The following SUCLG2 variants were observed in gnomAD, a reference collection of about 807,000 sequenced individuals.
SUCLG2 encodes the protein succinate-CoA ligase GDP-forming subunit beta.
In SUCLG2, 42 loss-of-function variants were observed where a neutral mutation model predicts 47.9. The observed-to-expected ratio is 0.88, with a 90% CI of 0.69 to 1.14. SUCLG2 has a LOEUF of 1.14. Among genes scored for constraint, SUCLG2 ranks in the 50% most tolerant of loss-of-function variants. SUCLG2 has a pLI of 0.00. For synonymous variants in SUCLG2, 195 were observed against 197.3 expected, an observed-to-expected ratio of 0.99 and a Z score of 0.10; for missense variants, 571 against 525.9, an observed-to-expected ratio of 1.09 and a Z score of -0.84.
At chr3:67,642,619 T>C (rs1217890314) in intron 1 of SUCLG2, among the ~76,000 whole-genome samples, 1 of 152,020 alleles carries the variant, frequency 6.6e-6, no homozygotes, top group Non-Finnish European at 1.5e-5. Flanking sequence ...CATCTCTACA[T>C]AAATAAGTAA....
chr3:67,432,300 A>G (rs1703504844), intron 9 of SUCLG2, among the ~76,000 whole-genome samples: 1 of 152,206 alleles, frequency 6.6e-6, no homozygotes. Context: ...TACTAGACTA[A>G]GAAGCTTTTT....
chr3:67,541,713 G>A (rs1192177820), intron 2 of SUCLG2, among the ~76,000 whole-genome samples: 1 of 152,242 alleles, frequency 6.6e-6, no homozygotes, highest in African/African-American at 2.4e-5. Flanking sequence ...ACACATAATT[G>A]TCAGATTCAC....
intron 2 of SUCLG2, among the ~76,000 whole-genome samples, chr3:67,578,192 G>A (rs1369214692): frequency 1.4e-5 from 2 of 146,870 alleles, no homozygotes; most frequent in African/African-American, 2.5e-5. Flanking sequence ...GGAACACAGA[G>A]TAATATGTAT....
At chr3:67,523,374 C>A (rs566633614) in intron 4 of SUCLG2, among the ~76,000 whole-genome samples, 69 of 152,240 alleles carry the variant, frequency 4.5e-4, no homozygotes, top group Middle Eastern at 3.4e-3. Context: ...TGTTTCTCAG[C>A]ACATGGTGTT....
intron 10 of SUCLG2, among the ~76,000 whole-genome samples, chr3:67,362,613 C>T (rs1015775898): frequency 1.3e-5 from 2 of 152,088 alleles, no homozygotes; most frequent in Admixed American, 6.6e-5. Context: ...GCCACTGTAT[C>T]CTAACGCAGC....
rs534768977 is a variant in SUCLG2 at position 67,443,014 on chromosome 3, G to A, written c.1063-42163C>T. Among the ~76,000 whole-genome samples, 26 of 152,162 alleles carry A rather than the reference G, an allele frequency of 1.7e-4. No homozygotes were observed. The Middle Eastern group carries it at 0.017, about 100-fold the overall frequency. On this transcript the variant is annotated intron_variant, in intron 9 of 10. Coordinates refer to ENST00000307227, the MANE Select transcript of SUCLG2 (RefSeq NM_003848.4). ...AATATTCAGAAACGAAAAAAAGGAC[G>A]GTTTTGCCTGTGCTTAACATGTACA... is the stretch of plus-strand genomic sequence containing the variant.
At chr3:67,442,232 G>T (rs1228365009) in intron 9 of SUCLG2, among the ~76,000 whole-genome samples, 1 of 151,880 alleles carries the variant, frequency 6.6e-6, no homozygotes, top group Non-Finnish European at 1.5e-5. Flanking sequence ...GGATGGTCTC[G>T]ATCTCCTGAC....
intron 7 of SUCLG2, among the ~76,000 whole-genome samples, chr3:67,504,604 G>C (rs1482809866): frequency 6.6e-6 from 1 of 152,178 alleles, no homozygotes. Flanking sequence ...GTCGTTCTCT[G>C]TGAACAGGGA....
At chr3:67,523,670 T>C (rs1441431349) in intron 4 of SUCLG2, among the ~76,000 whole-genome samples, 1 of 152,182 alleles carries the variant, frequency 6.6e-6, no homozygotes, top group Non-Finnish European at 1.5e-5. Context: ...AAGATAATCA[T>C]TTCTTCTAAA....
intron 10 of SUCLG2, among the ~76,000 whole-genome samples, chr3:67,390,584 G>A (rs1702358314): frequency 6.6e-6 from 1 of 151,974 alleles, no homozygotes; most frequent in Admixed American, 6.5e-5. Flanking sequence ...CTACATATTT[G>A]GGGGAAATTC....
intron 9 of SUCLG2, among the ~76,000 whole-genome samples, chr3:67,473,255 C>CTACA (rs1704649271): frequency 6.6e-6 from 1 of 152,144 alleles, no homozygotes; most frequent in Non-Finnish European, 1.5e-5. Context: ...TCTCAGCCCA[C>CTACA]TACAGCCTTG....
In SUCLG2 at chr3:67,642,168, T is replaced by C. The variant is rs114421457; in HGVS notation, c.84+12335A>G. 7.4e-3 allele frequency among the ~76,000 whole-genome samples: 1,134 copies of C among 152,288 alleles called. 16 individuals are homozygous for C. Among genetic ancestry groups the C allele is most frequent in the African/African-American group, 0.026 (1,063 of 41,558 alleles). ...AAGGTTAGATTTCAACATAGGAATT[T>C]TGTGGGGGACACAATTCCACCCATT... On this transcript the variant is annotated intron_variant, in intron 1 of 10. Coordinates refer to ENST00000307227, the MANE Select transcript of SUCLG2 (RefSeq NM_003848.4).
intron 1 of SUCLG2, among the ~76,000 whole-genome samples, chr3:67,622,633 C>A (rs967478446): frequency 6.6e-6 from 1 of 151,716 alleles, no homozygotes; most frequent in Non-Finnish European, 1.5e-5. Context: ...CATTTAATTC[C>A]CCAAAGATGG....
intron 9 of SUCLG2, among the ~76,000 whole-genome samples, chr3:67,421,913 G>C (rs1201991470): frequency 2.0e-5 from 3 of 152,196 alleles, no homozygotes; most frequent in Non-Finnish European, 4.4e-5. Flanking sequence ...TTTCGGTTAT[G>C]TTGAGGAGCA....
intron 9 of SUCLG2, among the ~76,000 whole-genome samples, chr3:67,447,101 T>C (rs1233527675): frequency 6.6e-6 from 1 of 152,192 alleles, no homozygotes; most frequent in Non-Finnish European, 1.5e-5. Flanking sequence ...AAAATGCAGA[T>C]GTTAACAGGA....
intron 3 of SUCLG2, among the ~76,000 whole-genome samples, chr3:67,528,772 GA>G (rs796788923): frequency 2.0e-5 from 3 of 152,304 alleles, no homozygotes; most frequent in African/African-American, 7.2e-5. Flanking sequence ...TCAGGTCCTT[GA>G]ATAGAGGAGT....
At chr3:67,364,152 CA>C (rs1275371078) in intron 10 of SUCLG2, among the ~76,000 whole-genome samples, 1 of 152,166 alleles carries the variant, frequency 6.6e-6, no homozygotes, top group Non-Finnish European at 1.5e-5. Context: ...TACTGAAGCC[CA>C]TGAAGGCTGA....
At chr3:67,438,358 G>A (rs1334245561) in intron 9 of SUCLG2, among the ~76,000 whole-genome samples, 1 of 151,836 alleles carries the variant, frequency 6.6e-6, no homozygotes, top group African/African-American at 2.4e-5. Flanking sequence ...AAAGGTAGCA[G>A]AAAACAAGAA....
intron 1 of SUCLG2, among the ~76,000 whole-genome samples, chr3:67,652,632 T>C (rs114283725): frequency 0.025 from 3,807 of 152,336 alleles, 154 homozygotes; most frequent in African/African-American, 0.087. Context: ...GGATGTTATA[T>C]AGTTACTACT....
Sources: gnomAD v4.1 joint callset for allele counts (sites outside exome capture counted in the v4.1 genomes callset) on GRCh38, gnomAD v4.1.1 for gene constraint, MANE v1.5 for transcripts, NCBI Gene and HGNC (gene_info 2026-07-23, HGNC 2026-07-21) for gene names.